The following UGT1A7 variants were observed in gnomAD, a reference collection of about 807,000 sequenced individuals.
UGT1A7 encodes UDP-glucuronosyltransferase 1A7.
In UGT1A7, 33 loss-of-function variants were observed where a neutral mutation model predicts 45.6. The observed-to-expected ratio is 0.72, with a 90% confidence interval of 0.55 to 0.97. The LOEUF (loss-of-function observed/expected upper bound fraction) is 0.97, where lower values mean the gene tolerates loss of function less well. UGT1A7 is among the 50% of genes least tolerant of loss of function. The pLI is 0.00. For synonymous variants in UGT1A7, 274 were observed against 250.6 expected, an observed-to-expected ratio of 1.09 and a Z score of -0.88; for missense variants, 684 against 666.2, an observed-to-expected ratio of 1.03 and a Z score of -0.29.
intron 1 of UGT1A7, among the ~76,000 whole-genome samples, chr2:233,726,510 G>T (rs558172784): frequency 5.9e-4 from 89 of 152,028 alleles, no homozygotes; most frequent in Middle Eastern, 3.4e-3. Context: ...GAATTTCATG[G>T]TACTTTTCCA....
At chr2:233,768,985 C>T (rs1366556370) in intron 4 of UGT1A7, among the ~76,000 whole-genome samples, 1 of 151,774 alleles carries the variant, frequency 6.6e-6, no homozygotes, top group East Asian at 1.9e-4. Context: ...AATTTTATTT[C>T]CCCCATTAGA....
intron 1 of UGT1A7, among the ~76,000 whole-genome samples, chr2:233,721,122 T>G (rs2076922225): frequency 6.6e-6 from 1 of 152,196 alleles, no homozygotes; most frequent in Admixed American, 6.5e-5. Context: ...GTACTTCTTT[T>G]TATTAGTGTA....
At chr2:233,719,278 C>T (rs769049134) in intron 1 of UGT1A7, 1 of 1,614,106 alleles carries the variant, frequency 6.2e-7, no homozygotes, top group South Asian at 1.1e-5. Context: ...TTAACAGACC[C>T]CGTTAACCTC....
chr2:233,760,360 T>A (rs751894919), intron 1 of UGT1A7: 1 of 1,614,114 alleles, frequency 6.2e-7, no homozygotes, highest in East Asian at 2.2e-5. Flanking sequence ...CCCAGTGGTG[T>A]CCCATGCTGG....
At chr2:233,718,817 T>C in intron 1 of UGT1A7, 1 of 1,613,436 alleles carries the variant, frequency 6.2e-7, no homozygotes, top group African/African-American at 1.3e-5. Context: ...TGGCTTCTGC[T>C]GAGATGGCCA....
chr2:233,723,213 CT>C (rs201420005), intron 1 of UGT1A7, among the ~76,000 whole-genome samples: 4,186 of 88,020 alleles, frequency 0.048, 123 homozygotes, highest in African/African-American at 0.1. Context: ...TCAAAACTGA[CT>C]TTTTTTTTTT....
rs2077420155 is a variant in UGT1A7 at position 233,725,272 on chromosome 2, AGG to A, written c.856-41761_856-41760del. ...GAGGAGGCAGAGGCAGAGGAGGCAG[AGG>A]CAGAGGCAGAGGCAGAGGCAGAGGC... is the stretch of plus-strand genomic sequence containing the variant. On this transcript the variant is annotated intron_variant, in intron 1 of 4. Coordinates refer to ENST00000373426, the MANE Select transcript of UGT1A7 (RefSeq NM_019077.3). Among the ~76,000 whole-genome samples, 2 of 38,426 alleles carry A rather than the reference AGG, an allele frequency of 5.2e-5. 1 individual carries two copies. Among genetic ancestry groups the A allele is most frequent in the Admixed American group, 5.0e-4 (2 of 3,998 alleles). The allele number at this position is 38,426 out of a possible 152,430, so 25.2% of individuals were successfully genotyped here. A position where few individuals can be genotyped will look rare whatever the true frequency, so the allele number is the denominator to read the frequency against.
At chr2:233,717,497 T>A (rs2076580358) in intron 1 of UGT1A7, among the ~76,000 whole-genome samples, 1 of 152,206 alleles carries the variant, frequency 6.6e-6, no homozygotes, top group Admixed American at 6.5e-5. Flanking sequence ...GTTATCAATG[T>A]GGATTTCTAA....
At chr2:233,735,161 A>C (rs139257330) in intron 1 of UGT1A7, among the ~76,000 whole-genome samples, 2,795 of 152,264 alleles carry the variant, frequency 0.018, 41 homozygotes, top group Non-Finnish European at 0.028. Context: ...GTCTCTGTGT[A>C]GGTCTCTAAG....
intron 1 of UGT1A7, among the ~76,000 whole-genome samples, chr2:233,730,506 A>G (rs2078042097): frequency 6.6e-6 from 1 of 152,128 alleles, no homozygotes; most frequent in Non-Finnish European, 1.5e-5. Flanking sequence ...AGAGAGGTTG[A>G]CTCAGTGGAA....
chr2:233,693,146 G>A lies in UGT1A7; in HGVS notation c.855+10354G>A, dbSNP rs2075134589. On this transcript the variant is annotated intron_variant, in intron 1 of 4. Transcript: ENST00000373426. ...GCTTAGTATGAAGGATATAGTTGAG[G>A]TTCTCAGTGACCGGGGTCATGAGAT... is the stretch of plus-strand genomic sequence containing the variant. 5 of 1,614,204 alleles carry A rather than the reference G, an allele frequency of 3.1e-6. No homozygotes were observed. The highest frequency in any genetic ancestry group is 1.3e-5 in the African/African-American group (1 of 75,052).
chr2:233,697,453 T>G (rs2075391734), intron 1 of UGT1A7, among the ~76,000 whole-genome samples: 1 of 151,932 alleles, frequency 6.6e-6, no homozygotes, highest in Non-Finnish European at 1.5e-5. Context: ...TTTATCTGAG[T>G]GTTTTCTCTT....
chr2:233,764,840 A>T (rs903559567), intron 1 of UGT1A7, among the ~76,000 whole-genome samples: 2 of 151,474 alleles, frequency 1.3e-5, no homozygotes, highest in African/African-American at 4.9e-5. Flanking sequence ...GGGGAGGATG[A>T]CTCTGTCCTC....
rs1320189051 is a variant in UGT1A7, at chr2:233,757,543, T to TAC, written c.856-9490_856-9489insCA. Reference sequence around the variant, plus strand: ...AAATCTTGCCTGTAAGGAATATATATATATATATATATATATATGTATATA... The same window carrying TAC: ...AAATCTTGCCTGTAAGGAATATATATACATATATATATATATATATGTATATA... On this transcript the variant is annotated intron_variant, in intron 1 of 4. Coordinates refer to ENST00000373426, the MANE Select transcript of UGT1A7 (RefSeq NM_019077.3). Among the ~76,000 whole-genome samples the TAC allele has an allele frequency of 2.8e-3, 329 of 117,124 alleles. 12 individuals carry two copies. The highest frequency in any genetic ancestry group is 3.5e-3 in the African/African-American group (97 of 28,034). 76.8% of individuals were successfully genotyped at this position (117,124 alleles called of 152,430 possible). A position where few individuals can be genotyped will look rare whatever the true frequency, so the allele number is the denominator to read the frequency against.
rs2075126761 is a variant in UGT1A7, at chr2:233,693,015, T to G, written c.855+10223T>G. 4 of 1,614,174 alleles carry G rather than the reference T, an allele frequency of 2.5e-6. No individual in the cohort carries two copies. The East Asian group carries it at 8.9e-5, about 36-fold the overall frequency. On this transcript the variant is annotated intron_variant, in intron 1 of 4. Coordinates refer to ENST00000373426, the MANE Select transcript of UGT1A7 (RefSeq NM_019077.3). The stretch of plus-strand genomic sequence containing the variant: ...TTAACTCTTTCCAGGATGGCCTGCC[T>G]CCTTCGCTCATTTCAGAGAATTTCT...
At chr2:233,729,179 T>C (rs200023814) in intron 1 of UGT1A7, 112 of 1,613,806 alleles carry the variant, frequency 6.9e-5, no homozygotes, top group Non-Finnish European at 9.3e-6. Context: ...GGACTGCTGC[T>C]TCTCCTCAGT....
At chr2:233,709,237 G>A (rs1333156053) in intron 1 of UGT1A7, among the ~76,000 whole-genome samples, 2 of 152,106 alleles carry the variant, frequency 1.3e-5, no homozygotes, top group African/African-American at 2.4e-5. Context: ...AGGGGTGGCC[G>A]CTGGGATGAG....
chr2:233,690,988 G>A (rs2125547227), intron 1 of UGT1A7: 4 of 994,376 alleles, frequency 4.0e-6, no homozygotes, highest in Middle Eastern at 5.1e-4. Flanking sequence ...CCACATATGA[G>A]CAACAGGATT....
intron 1 of UGT1A7, among the ~76,000 whole-genome samples, chr2:233,715,257 C>G (rs193085198): frequency 6.6e-6 from 1 of 152,042 alleles, no homozygotes; most frequent in Admixed American, 6.5e-5. Flanking sequence ...TTAAAAAATC[C>G]CCTTACATAA....
Sources: allele counts gnomAD v4.1 joint callset (sites outside exome capture counted in the v4.1 genomes callset), GRCh38; gene constraint gnomAD v4.1.1; transcripts MANE v1.5; gene names NCBI Gene and HGNC (gene_info 2026-07-23, HGNC 2026-07-21).